The following NUP35 variants were observed in gnomAD, a reference collection of about 807,000 sequenced individuals.
The protein encoded by NUP35 is nucleoporin NUP35.
In NUP35, 25 loss-of-function variants were observed where a neutral mutation model predicts 41.5. The ratio of observed to expected loss-of-function variants is 0.60; its 90% confidence interval spans 0.44 to 0.84. The LOEUF (loss-of-function observed/expected upper bound fraction) is 0.84, where lower values mean the gene tolerates loss of function less well. Among genes scored for constraint, NUP35 ranks in the 40% least tolerant of loss-of-function variants. The pLI is 0.00. For synonymous variants in NUP35, 149 were observed against 130.7 expected (o/e 1.14, Z -0.96); for missense variants, 396 against 396.6 (o/e 1.00, Z 0.01).
At chr2:183,158,729 G>C (rs1559157878) in intron 7 of NUP35, among the ~76,000 whole-genome samples, 2 of 152,054 alleles carry the variant, frequency 1.3e-5, no homozygotes, top group East Asian at 1.9e-4. Flanking sequence ...TCTTTCTTGT[G>C]CAAAGCGATA....
intron 4 of NUP35, among the ~76,000 whole-genome samples, chr2:183,138,269 A>ATATTT: frequency 3.7e-5 from 3 of 80,698 alleles, no homozygotes; most frequent in African/African-American, 1.9e-4. Context: ...ATATATATAT[A>ATATTT]TTTTTTTTTT....
At chr2:183,142,777 A>C (rs1184917176) in intron 4 of NUP35, among the ~76,000 whole-genome samples, 1 of 151,218 alleles carries the variant, frequency 6.6e-6, no homozygotes, top group Non-Finnish European at 1.5e-5. Context: ...ACCATGCCCC[A>C]CCATCTCAGT....
chr2:183,159,825 A>G (rs891362942), intron 8 of NUP35, 173 bp downstream of exon 8: 3 of 492,376 alleles, frequency 6.1e-6, no homozygotes, highest in Non-Finnish European at 1.0e-5. Flanking sequence ...CATCTTGGCC[A>G]ATTGGAAAGT....
At position 183,127,215 on chromosome 2, in the gene NUP35, T is replaced by C. The variant is rs1684523277; in HGVS notation, c.41-1072T>C. On this transcript the variant is annotated intron_variant, in intron 1 of 8. Transcript: ENST00000295119. ...ATTGTGAGGATTTATTTTGTATCAA[T>C]TGTGAGGTTTCAGTTCTCTAAGTTG... Among the ~76,000 whole-genome samples the C allele has an allele frequency of 3.3e-5, 5 of 152,240 alleles. No homozygotes were observed. The South Asian group carries it at 1.0e-3, about 31-fold the overall frequency.
At chr2:183,156,708 T>C (rs145085429) in intron 5 of NUP35, among the ~76,000 whole-genome samples, 9 of 150,760 alleles carry the variant, frequency 6.0e-5, no homozygotes, top group African/African-American at 2.2e-4. Flanking sequence ...TTTTTTTTTC[T>C]TTAGGGTTCT....
At chr2:183,156,347 T>A (rs78839048) in intron 5 of NUP35, among the ~76,000 whole-genome samples, 8,212 of 152,258 alleles carry the variant, frequency 0.054, 284 homozygotes, top group Middle Eastern at 0.082. Context: ...ATTTAATTAA[T>A]TAATTTATTT....
chr2:183,140,304 A>C (rs954207244), intron 4 of NUP35, among the ~76,000 whole-genome samples: 2 of 151,988 alleles, frequency 1.3e-5, no homozygotes, highest in Non-Finnish European at 2.9e-5. Context: ...CCATCTTCAG[A>C]ACCCCCAGTG....
At chr2:183,120,904 T>C (rs1016116017), upstream of NUP35, among the ~76,000 whole-genome samples, 3 of 152,190 alleles carry the variant, frequency 2.0e-5, no homozygotes, top group Non-Finnish European at 4.4e-5. Flanking sequence ...CATTTGGCTT[T>C]AGAGATGTTG....
At chr2:183,158,243 A>G in intron 6 of NUP35, 40 bp from the exon 7 acceptor site, 2 of 1,329,818 alleles carry the variant, frequency 1.5e-6, no homozygotes, top group Non-Finnish European at 1.0e-6. Flanking sequence ...TGTAGATTTT[A>G]TATATTTTCT....
upstream of NUP35, among the ~76,000 whole-genome samples, chr2:183,119,570 A>G (rs1466764788): frequency 6.6e-6 from 1 of 152,194 alleles, no homozygotes; most frequent in Non-Finnish European, 1.5e-5. Context: ...TGATGTGAGC[A>G]AGAAATACAA....
intron 7 of NUP35, 72 bp from the exon 8 acceptor site, chr2:183,159,416 C>T: frequency 9.1e-7 from 1 of 1,101,166 alleles, no homozygotes; most frequent in Admixed American, 2.7e-5. Context: ...ATTAAATTTT[C>T]TAAGTAGGAT....
At chr2:183,155,519 G>T (rs1161432363) in intron 5 of NUP35, among the ~76,000 whole-genome samples, 1 of 150,714 alleles carries the variant, frequency 6.6e-6, no homozygotes, top group Non-Finnish European at 1.5e-5. Flanking sequence ...AATTGGGCTG[G>T]TGTGTTTTTT....
At chr2:183,152,709 AT>A (rs1685513306) in intron 5 of NUP35, among the ~76,000 whole-genome samples, 1 of 152,150 alleles carries the variant, frequency 6.6e-6, no homozygotes, top group South Asian at 2.1e-4. Context: ...TAGAGATCAT[AT>A]TGTATAATGT....
intron 4 of NUP35, among the ~76,000 whole-genome samples, chr2:183,144,809 A>C (rs1019438634): frequency 1.6e-4 from 25 of 152,210 alleles, no homozygotes; most frequent in Admixed American, 7.2e-4. Context: ...AATTATGCTA[A>C]AGTTATGTAA....
intron 4 of NUP35, among the ~76,000 whole-genome samples, chr2:183,147,382 G>A (rs1685316409): frequency 1.3e-5 from 2 of 152,076 alleles, no homozygotes. Flanking sequence ...TTTTTTATAT[G>A]GTGAGAGGCA....
intron 4 of NUP35, among the ~76,000 whole-genome samples, chr2:183,138,261 ATATATATATTT>A (rs1264163246): frequency 5.2e-4 from 27 of 52,048 alleles, no homozygotes; most frequent in Admixed American, 1.2e-3. Context: ...ATATATATAT[ATATATATATTT>A]TTTTTTTTTT....
At chr2:183,157,103 A>G (rs936872728) in intron 5 of NUP35, among the ~76,000 whole-genome samples, 3 of 152,250 alleles carry the variant, frequency 2.0e-5, no homozygotes, top group African/African-American at 7.2e-5. Flanking sequence ...TTACATATTA[A>G]CATACACATA....
Position 183,159,590 on chromosome 2 carries a change from C to T in NUP35, c.841C>T (p.Pro281Ser). Residue 281 changes from proline (P) to serine (S), a missense_variant, in exon 8 of 9, where the codon CCT becomes TCT. Physicochemically the swap from Pro to Ser is moderately conservative, Grantham distance 74 (BLOSUM62 -1). Coordinates refer to ENST00000295119, the MANE Select transcript of NUP35 (RefSeq NM_138285.5). Reference protein sequence around the residue: ...LGTPTQPGSTPRISTMRPLAT... With the variant: ...LGTPTQPGSTSRISTMRPLAT... ...TACACCAACACAACCTGGAAGTACT[C>T]CTAGGATTTCTACCATGAGACCTCT... 1 of 1,613,166 alleles carries T rather than the reference C, an allele frequency of 6.2e-7. No homozygotes were observed. Among genetic ancestry groups the T allele is most frequent in the Non-Finnish European group, 8.5e-7 (1 of 1,179,482 alleles).
intron 4 of NUP35, among the ~76,000 whole-genome samples, chr2:183,147,320 T>C (rs12105081): frequency 0.15 from 22,084 of 152,220 alleles, 1,764 homozygotes; most frequent in African/African-American, 0.2. Context: ...TCTTTTAGAA[T>C]TTTTGTAGTT....
Sources: allele counts gnomAD v4.1 joint callset (sites outside exome capture counted in the v4.1 genomes callset), GRCh38; gene constraint gnomAD v4.1.1; transcripts MANE v1.5; gene names NCBI Gene and HGNC (gene_info 2026-07-23, HGNC 2026-07-21).